The following HUWE1 variants were observed in gnomAD, a reference collection of about 807,000 sequenced individuals.
The protein encoded by HUWE1 is HECT, UBA and WWE domain containing E3 ubiquitin protein ligase 1.
HUWE1 carries 18 observed loss-of-function variants against 299.4 expected under a neutral mutation model. The ratio of observed to expected loss-of-function variants is 0.06; its 90% CI spans 0.04 to 0.09. The LOEUF (loss-of-function observed/expected upper bound fraction) is 0.09, where lower values mean the gene tolerates loss of function less well. Ranked by LOEUF, HUWE1 falls within the 10% of genes least tolerant of loss-of-function variation. HUWE1 has a pLI of 1.00. For synonymous variants in HUWE1, 1,317 were observed against 1,286.1 expected, an observed-to-expected ratio of 1.02 and a Z score of -0.51; for missense variants, 1,832 against 3,462.3, an observed-to-expected ratio of 0.53 and a Z score of 11.82.
chrX:53,679,601 G>A (rs1360867796), intron 3 of HUWE1, among the ~76,000 whole-genome samples: 1 of 111,034 alleles, frequency 9.0e-6, no homozygotes, highest in Non-Finnish European at 1.9e-5. Context: ...ACCAGTCTAG[G>A]CAACACGATG....
intron 27 of HUWE1, among the ~76,000 whole-genome samples, chrX:53,603,000 C>T (rs1049436437): frequency 1.1e-4 from 12 of 109,827 alleles, no homozygotes; most frequent in East Asian, 5.7e-4. Flanking sequence ...TACAGGCGCC[C>T]GCCATTACGC....
intron 26 of HUWE1, among the ~76,000 whole-genome samples, chrX:53,603,949 TTTG>T (rs1294676013): frequency 1.8e-4 from 20 of 112,238 alleles, no homozygotes; most frequent in Non-Finnish European, 2.4e-4. Context: ...ATCCCTAAGC[TTTG>T]TTAAGTAATT....
chrX:53,548,388 T>C (rs915120181), intron 67 of HUWE1, 115 bp from the exon 68 acceptor site: 15 of 852,120 alleles, frequency 1.8e-5, no homozygotes, highest in South Asian at 1.3e-4. Context: ...TTGGTAAATA[T>C]TGGGGGATAT....
At chrX:53,535,976 T>C in intron 80 of HUWE1, 171 bp downstream of exon 80, 1 of 331,150 alleles carries the variant, frequency 3.0e-6, no homozygotes, top group Non-Finnish European at 5.4e-6. Flanking sequence ...GGCCTGCAAA[T>C]TCTGGTTTTC....
chrX:53,569,945 T>G (rs1174423928), intron 47 of HUWE1, 118 bp from the exon 48 acceptor site: 1 of 624,430 alleles, frequency 1.6e-6, no homozygotes, highest in African/African-American at 2.2e-5. Context: ...GAGTGATTAT[T>G]AGGTCCACTT....
intron 36 of HUWE1, among the ~76,000 whole-genome samples, 154 bp downstream of exon 36, chrX:53,589,393 A>G (rs2064032236): frequency 1.8e-5 from 2 of 111,966 alleles, no homozygotes; most frequent in African/African-American, 3.3e-5. Flanking sequence ...TAGTTAACAC[A>G]CTGTTTCAGG....
chrX:53,626,366 A>G (rs1192449987), intron 17 of HUWE1, among the ~76,000 whole-genome samples: 1 of 110,538 alleles, frequency 9.0e-6, no homozygotes, highest in Non-Finnish European at 1.9e-5. Flanking sequence ...AGTTGGTAGT[A>G]TACAAATAGG....
intron 42 of HUWE1, among the ~76,000 whole-genome samples, chrX:53,582,002 C>T (rs2148265383): frequency 9.0e-6 from 1 of 111,714 alleles, no homozygotes; most frequent in South Asian, 3.8e-4. Context: ...GTGGCTACAC[C>T]AATTTCCACT....
chrX:53,585,334 T>C, intron 39 of HUWE1, 146 bp from the exon 40 acceptor site: 3 of 560,843 alleles, frequency 5.3e-6, no homozygotes, highest in Non-Finnish European at 8.8e-6. Context: ...AGAACATTTT[T>C]CATATGCATT....
At chrX:53,546,241 T>G (rs1256352393) in intron 70 of HUWE1, among the ~76,000 whole-genome samples, 195 bp downstream of exon 70, 1 of 111,232 alleles carries the variant, frequency 9.0e-6, no homozygotes, top group Non-Finnish European at 1.9e-5. Context: ...CCAGCCTTGC[T>G]TTCAAACAAC....
At position 53,539,760 on chromosome X, in the gene HUWE1, C is replaced by A; in HGVS notation, c.11529G>T (p.Glu3843Asp). Residue 3843 changes from glutamate to aspartate, a missense_variant, in exon 75 of 84, where the codon GAG becomes GAT. Glu to Asp is a conservative substitution (Grantham distance 45). Around this residue, in one of 15 missense-constraint regions of HUWE1, gnomAD observed 27 missense variants for 21.1 expected, o/e 1.28. Transcript: ENST00000262854. ...TCAGCTGCTCGCTGAGCAGGGGTAA[C>A]TCAGGTGGTCTTTCTTCCTTTTCCT... ...GEKEKEERPP[E>D]LPLLSEQLSL... The A allele has an allele frequency of 2.5e-6, 3 of 1,211,493 alleles. No homozygotes were observed. Among genetic ancestry groups the A allele is most frequent in the Non-Finnish European group, 3.4e-6 (3 of 895,081 alleles).
chrX:53,620,249 CCATTT>C (rs1315836906), intron 19 of HUWE1, among the ~76,000 whole-genome samples: 11 of 97,194 alleles, frequency 1.1e-4, no homozygotes, highest in Non-Finnish European at 2.4e-4. Flanking sequence ...CTTGGAGCTT[CCATTT>C]GTCTTTTTTT....
intron 56 of HUWE1, 94 bp downstream of exon 56, chrX:53,560,094 G>A (rs2062217116): frequency 4.2e-6 from 3 of 716,377 alleles, no homozygotes; most frequent in Non-Finnish European, 6.4e-6. Flanking sequence ...AACATTAAGT[G>A]ATGGACTATT....
rs1556983968 is a variant in HUWE1, at chrX:53,595,300, G to A, written c.3267C>T (p.Ser1089=). Residue 1089 remains serine, a synonymous_variant, in exon 30 of 84, where the codon AGC becomes AGT. Transcript: ENST00000262854. The part of the protein sequence containing the change: ...VRQRRSHHAA[S]TTTAPTPAAR... ...CGGCAGGTGTCGGTGCTGTAGTGGTGCTGGCAGCATGATGGCTCCTTCTCT... is the reference window on the plus strand; with the variant it reads ...CGGCAGGTGTCGGTGCTGTAGTGGTACTGGCAGCATGATGGCTCCTTCTCT... 8.3e-7 allele frequency: 1 copy of A among 1,210,349 alleles called. No homozygotes were observed. The highest frequency in any genetic ancestry group is 1.8e-5 in the South Asian group (1 of 56,923).
intron 3 of HUWE1, among the ~76,000 whole-genome samples, chrX:53,666,076 A>G (rs1557047448): frequency 8.9e-6 from 1 of 112,714 alleles, no homozygotes; most frequent in East Asian, 2.7e-4. Flanking sequence ...GCAGCATTCA[A>G]TGAGTTCAGG....
chrX:53,630,499 C>A (rs930864138), intron 12 of HUWE1, among the ~76,000 whole-genome samples: 1 of 110,703 alleles, frequency 9.0e-6, no homozygotes, highest in Non-Finnish European at 1.9e-5. Context: ...TACAAAACCA[C>A]GTGTTTTCCA....
At chrX:53,655,307 G>C (rs1189409123) in intron 3 of HUWE1, among the ~76,000 whole-genome samples, 2 of 110,262 alleles carry the variant, frequency 1.8e-5, no homozygotes, top group Admixed American at 9.7e-5. Flanking sequence ...TTTTTGCCTA[G>C]ATTTAGTCCA....
chrX:53,554,953 G>A (rs782787082), intron 60 of HUWE1, 33 bp from the exon 61 acceptor site: 48 of 1,099,619 alleles, frequency 4.4e-5, no homozygotes, highest in Non-Finnish European at 5.2e-5. Flanking sequence ...AGTGGTTAAG[G>A]GGCAACCAGC....
intron 25 of HUWE1, 141 bp downstream of exon 25, chrX:53,607,382 C>T: frequency 1.9e-6 from 1 of 530,560 alleles, no homozygotes; most frequent in Non-Finnish European, 3.1e-6. Flanking sequence ...ATATTAGTCA[C>T]AAAATTCACT....
Sources: allele counts gnomAD v4.1 joint callset (sites outside exome capture counted in the v4.1 genomes callset), GRCh38; gene constraint gnomAD v4.1.1; regional missense constraint gnomAD v4.1.1; transcripts MANE v1.5; gene names NCBI Gene and HGNC (gene_info 2026-07-23, HGNC 2026-07-21).